APPL2: variants seen among roughly 807,000 people sequenced by gnomAD.
APPL2 encodes adaptor protein, phosphotyrosine interacting with PH domain and leucine zipper 2.
A neutral mutation model predicts 92.7 loss-of-function variants in APPL2; 84 were observed. The observed-to-expected ratio is 0.91, with a 90% CI of 0.76 to 1.09. The LOEUF (loss-of-function observed/expected upper bound fraction) is 1.09, where lower values mean the gene tolerates loss of function less well. APPL2 is among the 50% of genes least tolerant of loss of function. The pLI, the probability that APPL2 is intolerant of heterozygous loss-of-function variation, is 0.00. For synonymous variants in APPL2, 291 were observed against 291.0 expected (o/e 1.00, Z 0.00); for missense variants, 736 against 824.5 (o/e 0.89, Z 1.31).
intron 5 of APPL2, 97 bp from the exon 6 acceptor site, chr12:105,208,296 G>A (rs1888923577): frequency 1.4e-6 from 2 of 1,450,074 alleles, no homozygotes. Context: ...GAATATGCGT[G>A]CAAGGGAAGC....
rs577121905 is a variant in APPL2 at position 105,209,971 on chromosome 12, T to A, written c.373+1259A>T. The stretch of plus-strand genomic sequence containing the variant: ...AAGGGAGGAAAATCTTCACCCTTTT[T>A]TTTTTTTGAGACGGAGTCTCGCTCT... On this transcript the variant is annotated intron_variant, in intron 5 of 20. Transcript: ENST00000258530. 7.2e-5 allele frequency among the ~76,000 whole-genome samples: 11 copies of A among 152,278 alleles called. No homozygotes were observed. The East Asian group carries it at 2.1e-3, about 29-fold the overall frequency.
intron 17 of APPL2, among the ~76,000 whole-genome samples, chr12:105,186,711 CAT>C (rs879874537): frequency 2.6e-5 from 1 of 38,542 alleles, no homozygotes; most frequent in Non-Finnish European, 7.1e-5. Flanking sequence ...TATCATATAT[CAT>C]ATCATATATA....
Position 105,176,096 on chromosome 12 carries a change from G to T in APPL2, c.1813-14C>A. On this transcript the variant is annotated splice_polypyrimidine_tract_variant and intron_variant, in intron 19 of 20. Coordinates refer to ENST00000258530, the MANE Select transcript of APPL2 (RefSeq NM_018171.5). ...AGCATAACATATCTGCAAAAGACAA[G>T]AAAAGTAGTGATTGGCAAAAGTAGA... 6.3e-7 allele frequency: 1 copy of T among 1,589,556 alleles called. No homozygotes were observed.
chr12:105,194,130 G>C (rs1887445908), intron 14 of APPL2, among the ~76,000 whole-genome samples: 2 of 152,050 alleles, frequency 1.3e-5, no homozygotes, highest in South Asian at 4.2e-4. Context: ...AAATGTAATG[G>C]GGTTCTTTCT....
intron 2 of APPL2, among the ~76,000 whole-genome samples, chr12:105,222,288 A>AGTG (rs1434211030): frequency 1.3e-5 from 2 of 152,110 alleles, no homozygotes; most frequent in Non-Finnish European, 2.9e-5. Context: ...GAAAACCAGG[A>AGTG]GTGGTGGTGG....
Position 105,173,928 on chromosome 12 carries a change from A to C in APPL2, c.*386T>G, listed in dbSNP as rs182783500. On this transcript the variant is annotated 3_prime_UTR_variant, in exon 21 of 21. Coordinates refer to ENST00000258530, the MANE Select transcript of APPL2 (RefSeq NM_018171.5). Reference sequence around the variant, plus strand: ...CAAAAATAGATTATATTAATAAGAAATATTTAGTGTTCATCAAATTGTAAA... The same window carrying C: ...CAAAAATAGATTATATTAATAAGAACTATTTAGTGTTCATCAAATTGTAAA... 49 of 154,684 alleles carry C rather than the reference A, an allele frequency of 3.2e-4. No homozygotes were observed. Among genetic ancestry groups the C allele is most frequent in the Non-Finnish European group, 5.4e-4 (38 of 69,748 alleles). 9.6% of individuals were successfully genotyped at this position (154,684 alleles called of 1,614,324 possible). A position where few individuals can be genotyped will look rare whatever the true frequency, so the allele number is the denominator to read the frequency against.
rs756070695 is a variant in APPL2 at position 105,176,905 on chromosome 12, T to A, written c.1783A>T (p.Ile595Phe). The A allele has an allele frequency of 1.9e-6, 3 of 1,613,990 alleles. No individual in the cohort carries two copies. The part of the protein sequence containing the change: ...STGEESLSTY[I>F]FESNSEGEKI... The stretch of plus-strand genomic sequence containing the variant: ...TCGCCTTCTGAGTTGCTTTCAAAAA[T>A]GTATGTACTCAGAGATTCTTCTCCA... The change falls in exon 19 of 21, where the codon ATT becomes TTT. Residue 595 changes from isoleucine to phenylalanine, a missense_variant. Physicochemically the swap from Ile to Phe is conservative, Grantham distance 21. Transcript: ENST00000258530.
intron 5 of APPL2, among the ~76,000 whole-genome samples, chr12:105,210,857 A>G (rs550328865): frequency 6.6e-6 from 1 of 152,148 alleles, no homozygotes; most frequent in Non-Finnish European, 1.5e-5. Flanking sequence ...TGACTTTACA[A>G]ATGTCCCCTA....
chr12:105,206,273 T>C (rs1378309306), intron 8 of APPL2, among the ~76,000 whole-genome samples: 1 of 152,262 alleles, frequency 6.6e-6, no homozygotes, highest in East Asian at 1.9e-4. Flanking sequence ...AGTTGGTGAC[T>C]TTTTCTTAAT....
rs1301978346 is a variant in APPL2 at position 105,195,278 on chromosome 12, T to C, written c.1224A>G (p.Gln408=). ...TTAGTTACCTGGGGCATGAGCTTTCTTGTTTTTTTCCAAAACTTGTAATGG... is the reference window on the plus strand; with the variant it reads ...TTAGTTACCTGGGGCATGAGCTTTCCTGTTTTTTTCCAAAACTTGTAATGG... ...VTPITSFGKK[Q]ESSCPSQNLK... The change falls in exon 14 of 21, where the codon CAA becomes CAG. Residue 408 remains glutamine, a synonymous_variant. Coordinates refer to ENST00000258530, the MANE Select transcript of APPL2 (RefSeq NM_018171.5). 6.2e-7 allele frequency: 1 copy of C among 1,614,134 alleles called. No individual in the cohort carries two copies. The highest frequency in any genetic ancestry group is 1.6e-4 in the Middle Eastern group (1 of 6,084).
chr12:105,205,638 T>C (rs1295598938), intron 8 of APPL2, among the ~76,000 whole-genome samples: 1 of 152,204 alleles, frequency 6.6e-6, no homozygotes, highest in Non-Finnish European at 1.5e-5. Flanking sequence ...CCTTCCAAGA[T>C]GCTAGATCTG....
At position 105,174,883 on chromosome 12, in the gene APPL2, G is replaced by C. The variant is rs1258241482; in HGVS notation, c.1861-435C>G. 2.2e-5 allele frequency among the ~76,000 whole-genome samples: 3 copies of C among 139,382 alleles called. 1 individual carries two copies. Among genetic ancestry groups the C allele is most frequent in the Non-Finnish European group, 4.7e-5 (3 of 63,550 alleles). 91.4% of individuals were successfully genotyped at this position (139,382 alleles called of 152,430 possible). A position where few individuals can be genotyped will look rare whatever the true frequency, so the allele number is the denominator to read the frequency against. On this transcript the variant is annotated intron_variant, in intron 20 of 20. Coordinates refer to ENST00000258530, the MANE Select transcript of APPL2 (RefSeq NM_018171.5). The stretch of plus-strand genomic sequence containing the variant: ...GCTGCTGCTTTTTTTTGGTGGGGGG[G>C]GGGGTGGTGCGGCGGTTGGAGACAG...
chr12:105,200,896 CTAT>C (rs1888138100), intron 9 of APPL2, among the ~76,000 whole-genome samples: 6 of 140,742 alleles, frequency 4.3e-5, no homozygotes, highest in Non-Finnish European at 9.3e-5. Context: ...ATCTATCTAT[CTAT>C]CTATCCTATC....
intron 2 of APPL2, among the ~76,000 whole-genome samples, chr12:105,220,400 C>G (rs936165245): frequency 6.6e-6 from 1 of 152,158 alleles, no homozygotes; most frequent in Non-Finnish European, 1.5e-5. Flanking sequence ...ACTTTATTTA[C>G]AAAAATAAGA....
chr12:105,183,356 G>A (rs1215558908), intron 17 of APPL2, among the ~76,000 whole-genome samples: 3 of 152,078 alleles, frequency 2.0e-5, no homozygotes, highest in African/African-American at 7.2e-5. Flanking sequence ...CAGTGCTGAT[G>A]GTTTTTACAT....
chr12:105,186,645 G>T (rs1406743414), intron 17 of APPL2, among the ~76,000 whole-genome samples: 13 of 128,168 alleles, frequency 1.0e-4, no homozygotes, highest in African/African-American at 1.5e-4. Flanking sequence ...TCATATATAT[G>T]ATATCGATAT....
At chr12:105,218,708 G>A (rs1889882530) in intron 2 of APPL2, among the ~76,000 whole-genome samples, 1 of 152,234 alleles carries the variant, frequency 6.6e-6, no homozygotes, top group South Asian at 2.1e-4. Flanking sequence ...CATACTGGAA[G>A]CACAGTGGGG....
intron 17 of APPL2, among the ~76,000 whole-genome samples, chr12:105,185,188 T>C (rs985922931): frequency 2.0e-5 from 3 of 152,198 alleles, no homozygotes; most frequent in South Asian, 4.1e-4. Flanking sequence ...TCTCAGTGTG[T>C]TGGGCTCCGT....
At chr12:105,221,985 G>T (rs1222486942) in intron 2 of APPL2, among the ~76,000 whole-genome samples, 4 of 152,226 alleles carry the variant, frequency 2.6e-5, no homozygotes, top group Non-Finnish European at 5.9e-5. Context: ...GAGTGGGGTG[G>T]AGGAAATCCA....
Sources: allele counts gnomAD v4.1 joint callset (sites outside exome capture counted in the v4.1 genomes callset), GRCh38; gene constraint gnomAD v4.1.1; transcripts MANE v1.5; gene names NCBI Gene and HGNC (gene_info 2026-07-23, HGNC 2026-07-21).